The following MAST4 variants were observed in gnomAD, a reference collection of about 807,000 sequenced individuals.
MAST4 encodes the protein microtubule-associated serine/threonine-protein kinase 4.
In MAST4, 89 loss-of-function variants were observed where a neutral mutation model predicts 162.7. That is an observed-to-expected ratio of 0.55 (90% confidence interval 0.46 to 0.65). The LOEUF is 0.65. Among genes scored for constraint, MAST4 ranks in the 30% least tolerant of loss-of-function variants. The pLI is 0.00. For missense variants in MAST4, 3,153 were observed against 3,374.0 expected (o/e 0.93, Z 1.62); for synonymous variants, 1,479 against 1,361.1 (o/e 1.09, Z -1.91).
chr5:67,145,945 G>T (rs151000290), intron 23 of MAST4, among the ~76,000 whole-genome samples: 3 of 152,354 alleles, frequency 2.0e-5, no homozygotes, highest in African/African-American at 7.2e-5. Flanking sequence ...ACTCAGTGCA[G>T]ACTGAGTGCA....
rs1752513217 is a variant in MAST4 at position 66,742,208 on chromosome 5, G to C, written c.364-17501G>C. Among the ~76,000 whole-genome samples, 3 of 152,186 alleles carry C rather than the reference G, an allele frequency of 2.0e-5. 1 individual carries two copies. In the South Asian group the frequency reaches 6.2e-4, roughly 32 times the overall value. On this transcript the variant is annotated intron_variant, in intron 1 of 28. Transcript: ENST00000403625. ...GAGAGACGGAGCTGGGTCAGATGCT[G>C]ACCGTACAGTTGCTCTCGCGGTTCA...
intron 3 of MAST4, among the ~76,000 whole-genome samples, chr5:66,842,307 A>G (rs574623288): frequency 4.7e-4 from 71 of 152,342 alleles, no homozygotes; most frequent in African/African-American, 1.5e-3. Flanking sequence ...CTATTAATCA[A>G]TGTAGCAGAG....
rs547175502 is a variant in MAST4, at chr5:66,755,270, T to C, written c.364-4439T>C. Among the ~76,000 whole-genome samples the C allele has an allele frequency of 3.3e-5, 5 of 152,282 alleles. No homozygotes were observed. In the East Asian group the frequency reaches 9.7e-4, roughly 29 times the overall value. The stretch of plus-strand genomic sequence containing the variant: ...AGAGAAGTTAAGAACAACTGAAAGA[T>C]TTTGTGACCTGAGTAGCTAGAGAAA... On this transcript the variant is annotated intron_variant, in intron 1 of 28. Transcript: ENST00000403625.
At chr5:66,647,570 AT>A (rs112522675) in intron 1 of MAST4, among the ~76,000 whole-genome samples, 44,074 of 151,734 alleles carry the variant, frequency 0.29, 6,530 homozygotes, top group South Asian at 0.33. Context: ...AGGAAAAAAA[AT>A]AGAAGTTAAA....
chr5:66,621,074 T>C (rs1408506335), intron 1 of MAST4, among the ~76,000 whole-genome samples: 3 of 152,050 alleles, frequency 2.0e-5, no homozygotes, highest in Non-Finnish European at 4.4e-5. Flanking sequence ...AAGAGAGATA[T>C]AAATGAAGAG....
rs190354261 is a variant in MAST4 at position 67,080,605 on chromosome 5, T to C, written c.764-9557T>C. On this transcript the variant is annotated intron_variant, in intron 5 of 28. Transcript: ENST00000403625. The stretch of plus-strand genomic sequence containing the variant: ...GACCGGAAAGGCCATGTTCCTATTA[T>C]GTATAAAGGCAAATTATGTTTTATG... 2.0e-4 allele frequency among the ~76,000 whole-genome samples: 31 copies of C among 152,278 alleles called. No homozygotes were observed. The East Asian group carries it at 5.4e-3, about 27-fold the overall frequency.
intron 2 of MAST4, among the ~76,000 whole-genome samples, chr5:66,786,857 G>A (rs1755141963): frequency 6.6e-6 from 1 of 152,204 alleles, no homozygotes; most frequent in Admixed American, 6.5e-5. Flanking sequence ...CAATGATAGT[G>A]TTAAATTAAT....
At chr5:66,682,518 G>T (rs1353784990) in intron 1 of MAST4, among the ~76,000 whole-genome samples, 1 of 152,196 alleles carries the variant, frequency 6.6e-6, no homozygotes, top group East Asian at 1.9e-4. Flanking sequence ...GGCCTACTGT[G>T]TGCCTAGCGT....
chr5:66,694,556 G>A (rs1454812047), intron 1 of MAST4, among the ~76,000 whole-genome samples: 2 of 151,660 alleles, frequency 1.3e-5, no homozygotes, highest in African/African-American at 2.4e-5. Context: ...GCACGATCTC[G>A]GTTCACTGCA....
Position 66,788,672 on chromosome 5 carries a change from A to G in MAST4, c.520A>G (p.Arg174Gly), listed in dbSNP as rs765996928. ...TTTCTTCTCTTTAACTCCAACAGGG[A>G]GGTACCTTCTTCCAAACCCGGTGGC... is the stretch of plus-strand genomic sequence containing the variant. The part of the protein sequence containing the change: ...RGSLGGALTG[R>G]YLLPNPVAGQ... Residue 174 changes from arginine to glycine, a missense_variant and splice_region_variant, in exon 3 of 29, where the codon AGG becomes GGG. Arg to Gly is a moderately radical substitution (Grantham distance 125). This residue lies in a region of MAST4 where 327 missense variants were observed against 336.5 expected (regional missense o/e 0.97). Coordinates refer to ENST00000403625, the MANE Select transcript of MAST4 (RefSeq NM_001164664.2). 1 of 1,594,304 alleles carries G rather than the reference A, an allele frequency of 6.3e-7. No individual in the cohort carries two copies.
At position 66,915,172 on chromosome 5, in the gene MAST4, G is replaced by A. The variant is rs139180933; in HGVS notation, c.674+15190G>A. ...TCCCAGCTATTCAGGAGGCTGATGC[G>A]GGAGAATCATTTGAACCCAGGAGGC... On this transcript the variant is annotated intron_variant, in intron 4 of 28. Transcript: ENST00000403625. Among the ~76,000 whole-genome samples the A allele has an allele frequency of 8.8e-3, 1,326 of 151,468 alleles. 20 individuals are homozygous for A. The highest frequency in any genetic ancestry group is 0.03 in the African/African-American group (1,245 of 41,208).
chr5:66,618,341 T>C (rs1456380442), intron 1 of MAST4, among the ~76,000 whole-genome samples: 1 of 152,184 alleles, frequency 6.6e-6, no homozygotes, highest in African/African-American at 2.4e-5. Flanking sequence ...AGTGACAGGG[T>C]TAGGATTTGG....
chr5:66,661,461 T>TA (rs1448245722), intron 1 of MAST4, among the ~76,000 whole-genome samples: 2 of 152,234 alleles, frequency 1.3e-5, no homozygotes, highest in Non-Finnish European at 2.9e-5. Flanking sequence ...TACTCATAGT[T>TA]ACAAAGGAGT....
chr5:66,629,432 C>T (rs939506078), intron 1 of MAST4, among the ~76,000 whole-genome samples: 1 of 152,176 alleles, frequency 6.6e-6, no homozygotes, highest in African/African-American at 2.4e-5. Flanking sequence ...TTTTTCTTTC[C>T]ATTCCCTGCT....
At chr5:66,693,263 G>A (rs4700152) in intron 1 of MAST4, among the ~76,000 whole-genome samples, 15,479 of 152,160 alleles carry the variant, frequency 0.1, 922 homozygotes, top group Admixed American at 0.16. Flanking sequence ...TTTTACAAAT[G>A]TTGACTGTGT....
chr5:66,826,796 A>G (rs1218877876), intron 3 of MAST4, among the ~76,000 whole-genome samples: 4 of 152,202 alleles, frequency 2.6e-5, no homozygotes, highest in Non-Finnish European at 5.9e-5. Flanking sequence ...AAAATCTGTC[A>G]GGACTTCCTT....
intron 10 of MAST4, among the ~76,000 whole-genome samples, chr5:67,107,938 C>T (rs1765781018): frequency 6.6e-6 from 1 of 152,146 alleles, no homozygotes; most frequent in Non-Finnish European, 1.5e-5. Context: ...GTTAGTGTTT[C>T]CCCTTTGGAG....
chr5:66,933,161 A>C (rs1416629348), intron 4 of MAST4, among the ~76,000 whole-genome samples: 1 of 152,162 alleles, frequency 6.6e-6, no homozygotes, highest in Non-Finnish European at 1.5e-5. Flanking sequence ...CTTTAACTAA[A>C]GTAAGCTAAG....
At chr5:66,990,561 C>G (rs1462019981) in intron 4 of MAST4, among the ~76,000 whole-genome samples, 1 of 152,136 alleles carries the variant, frequency 6.6e-6, no homozygotes, top group Non-Finnish European at 1.5e-5. Context: ...ATCACTTGAT[C>G]CAGGGAGATC....
Sources: gnomAD v4.1 joint callset for allele counts (sites outside exome capture counted in the v4.1 genomes callset) on GRCh38, gnomAD v4.1.1 for gene constraint, gnomAD v4.1.1 regional missense constraint, MANE v1.5 for transcripts, NCBI Gene and HGNC (gene_info 2026-07-23, HGNC 2026-07-21) for gene names.